The following PI4K2B variants were observed in gnomAD, a reference collection of about 807,000 sequenced individuals.
PI4K2B encodes the protein phosphatidylinositol 4-kinase type 2 beta, also known as phosphatidylinositol 4-kinase type 2-beta.
A neutral mutation model predicts 56.6 loss-of-function variants in PI4K2B; 46 were observed. That is an observed-to-expected ratio of 0.81 (90% CI 0.64 to 1.04). PI4K2B has a LOEUF of 1.04. Ranked by LOEUF, PI4K2B falls within the 50% of genes least tolerant of loss-of-function variation. The pLI is 0.00. For missense variants in PI4K2B, 556 were observed against 607.7 expected (o/e 0.91, Z 0.89); for synonymous variants, 211 against 223.8 (o/e 0.94, Z 0.51).
intron 1 of PI4K2B, among the ~76,000 whole-genome samples, chr4:25,242,297 T>C (rs1715557645): frequency 6.6e-6 from 1 of 152,146 alleles, no homozygotes; most frequent in East Asian, 1.9e-4. Flanking sequence ...AGGACCAGAG[T>C]GCCTGGACTT....
intron 7 of PI4K2B, among the ~76,000 whole-genome samples, chr4:25,265,747 T>C (rs1289152453): frequency 6.6e-6 from 1 of 152,222 alleles, no homozygotes; most frequent in Non-Finnish European, 1.5e-5. Context: ...GTGTAAATTC[T>C]GTTTTGCAAT....
intron 7 of PI4K2B, among the ~76,000 whole-genome samples, chr4:25,265,354 C>T (rs1475634597): frequency 6.6e-6 from 1 of 151,802 alleles, no homozygotes; most frequent in Non-Finnish European, 1.5e-5. Context: ...TGCTCTTTTT[C>T]CCCAGATAAT....
rs898342723 is a variant in PI4K2B, at chr4:25,234,035, G to T, written c.-129G>T. The T allele has an allele frequency of 1.2e-6, 1 of 813,688 alleles. No individual in the cohort carries two copies. Among genetic ancestry groups the T allele is most frequent in the Admixed American group, 4.3e-5 (1 of 23,158 alleles). The allele number at this position is 813,688 out of a possible 1,614,324, so 50.4% of individuals were successfully genotyped here. A position where few individuals can be genotyped will look rare whatever the true frequency, so the allele number is the denominator to read the frequency against. ...GGGACAACCGCTGGGCGGGCGCCAAGCGTGCCCGTGCGCTGGTGAGGTGGC... is the reference window on the plus strand; with the variant it reads ...GGGACAACCGCTGGGCGGGCGCCAATCGTGCCCGTGCGCTGGTGAGGTGGC... On this transcript the variant is annotated 5_prime_UTR_variant, in exon 1 of 10. Coordinates refer to ENST00000264864, the MANE Select transcript of PI4K2B (RefSeq NM_018323.4).
At position 25,234,438 on chromosome 4, in the gene PI4K2B, C is replaced by T; in HGVS notation, c.268+7C>T. ...AGCCGCCCCGCGGTTTCAGGTGCGA[C>T]CCGGCCCTGCCCCACTCCCCGCGCC... On this transcript the variant is annotated splice_region_variant and intron_variant, in intron 1 of 9. Coordinates refer to ENST00000264864, the MANE Select transcript of PI4K2B (RefSeq NM_018323.4). 1 of 1,288,148 alleles carries T rather than the reference C, an allele frequency of 7.8e-7. No individual in the cohort carries two copies. The highest frequency in any genetic ancestry group is 9.8e-7 in the Non-Finnish European group (1 of 1,017,064). 79.8% of individuals were successfully genotyped at this position (1,288,148 alleles called of 1,614,324 possible).
chr4:25,237,505 G>T (rs764214022), intron 1 of PI4K2B, among the ~76,000 whole-genome samples: 9 of 152,144 alleles, frequency 5.9e-5, no homozygotes, highest in Non-Finnish European at 1.3e-4. Flanking sequence ...CTCCCAAGTA[G>T]CTGGGATTAC....
At chr4:25,276,820 CGTGT>C in intron 9 of PI4K2B, 190 bp from the exon 10 acceptor site, 1 of 799,602 alleles carries the variant, frequency 1.3e-6, no homozygotes, top group Non-Finnish European at 1.5e-6. Context: ...TGTGTGTGCG[CGTGT>C]GTGTGTGCGC....
Position 25,278,724 on chromosome 4 carries a change from CT to C in PI4K2B, c.*1541del, listed in dbSNP as rs1717195857. The C allele has an allele frequency of 6.6e-6, 1 of 152,498 alleles. No homozygotes were observed. Among genetic ancestry groups the C allele is most frequent in the Non-Finnish European group, 1.5e-5 (1 of 68,010 alleles). The allele number at this position is 152,498 out of a possible 1,614,324, so 9.4% of individuals were successfully genotyped here. A position where few individuals can be genotyped will look rare whatever the true frequency, so the allele number is the denominator to read the frequency against. On this transcript the variant is annotated 3_prime_UTR_variant, in exon 10 of 10. Transcript: ENST00000264864. Reference sequence around the variant, plus strand: ...ATAAACACTAGTAATTAAAATGTGCCTTTTGAAGATGTTTTCTAAGAGAAAG... The same window carrying C: ...ATAAACACTAGTAATTAAAATGTGCCTTTGAAGATGTTTTCTAAGAGAAAG...
At chr4:25,245,968 G>A (rs183433698) in intron 1 of PI4K2B, among the ~76,000 whole-genome samples, 41 of 152,164 alleles carry the variant, frequency 2.7e-4, no homozygotes, top group African/African-American at 9.2e-4. Context: ...ATGAAGCCAC[G>A]GACCCTCCCA....
chr4:25,250,035 C>A (rs1295636269), intron 1 of PI4K2B, among the ~76,000 whole-genome samples: 1 of 152,166 alleles, frequency 6.6e-6, no homozygotes, highest in Non-Finnish European at 1.5e-5. Flanking sequence ...CCGGCCAACA[C>A]GGCGAAACCC....
At chr4:25,259,559 A>G (rs1247510032) in intron 5 of PI4K2B, among the ~76,000 whole-genome samples, 1 of 152,116 alleles carries the variant, frequency 6.6e-6, no homozygotes, top group African/African-American at 2.4e-5. Flanking sequence ...AATACACTAA[A>G]CTCTTAATTT....
intron 1 of PI4K2B, among the ~76,000 whole-genome samples, chr4:25,243,213 G>A (rs997286949): frequency 5.3e-5 from 8 of 152,194 alleles, no homozygotes; most frequent in African/African-American, 1.9e-4. Context: ...CTTGCCCCGG[G>A]CACCCTCAGT....
chr4:25,237,352 T>G (rs963545610), intron 1 of PI4K2B, among the ~76,000 whole-genome samples: 9 of 152,106 alleles, frequency 5.9e-5, no homozygotes, highest in African/African-American at 2.2e-4. Context: ...GTTTTTTTTT[T>G]TTGTTTTTGG....
chr4:25,236,695 A>G (rs983659877), intron 1 of PI4K2B, among the ~76,000 whole-genome samples: 14 of 152,056 alleles, frequency 9.2e-5, no homozygotes, highest in East Asian at 3.9e-4. Context: ...CCCGAAGTCA[A>G]ATATCCAGGA....
chr4:25,277,084 T>C lies in PI4K2B; in HGVS notation c.1343T>C (p.Ile448Thr). Reference sequence around the variant, plus strand: ...CAGCTAGTACAGATACCTTGTGTGATTGTGGAACGCAGTCAAGGTGGAAGT... The same window carrying C: ...CAGCTAGTACAGATACCTTGTGTGACTGTGGAACGCAGTCAAGGTGGAAGT... ...PFQLVQIPCV[I>T]VERSQGGSQG... is the part of the protein sequence containing the mutation. The change falls in exon 10 of 10, where the codon ATT (isoleucine) becomes ACT (threonine). Residue 448 changes from isoleucine (I) to threonine (T), a missense_variant. Ile to Thr is a moderately conservative substitution (Grantham distance 89). Transcript: ENST00000264864. 6.2e-7 allele frequency: 1 copy of C among 1,613,874 alleles called. No homozygotes were observed. The highest frequency in any genetic ancestry group is 8.5e-7 in the Non-Finnish European group (1 of 1,179,784).
At chr4:25,244,807 G>C (rs1488274500) in intron 1 of PI4K2B, among the ~76,000 whole-genome samples, 1 of 152,142 alleles carries the variant, frequency 6.6e-6, no homozygotes, top group Non-Finnish European at 1.5e-5. Flanking sequence ...CCCTGCCCAA[G>C]AACCCGCAAC....
At chr4:25,238,380 A>G (rs1184530997) in intron 1 of PI4K2B, among the ~76,000 whole-genome samples, 1 of 152,250 alleles carries the variant, frequency 6.6e-6, no homozygotes, top group Non-Finnish European at 1.5e-5. Flanking sequence ...GGTAGTTCTT[A>G]TAACTTCCCT....
chr4:25,270,721 T>G (rs1716856486), intron 9 of PI4K2B, among the ~76,000 whole-genome samples: 1 of 152,224 alleles, frequency 6.6e-6, no homozygotes, highest in African/African-American at 2.4e-5. Context: ...CTGGGCTCAC[T>G]GCAGGCTGGG....
intron 9 of PI4K2B, among the ~76,000 whole-genome samples, chr4:25,274,022 T>C (rs935366564): frequency 2.6e-5 from 4 of 152,146 alleles, no homozygotes; most frequent in African/African-American, 9.7e-5. Flanking sequence ...TCTTCCAACA[T>C]CCACGTCAGT....
chr4:25,266,396 G>A (rs189854845), intron 7 of PI4K2B, among the ~76,000 whole-genome samples: 8 of 152,248 alleles, frequency 5.3e-5, no homozygotes, highest in African/African-American at 1.9e-4. Context: ...AGAATACTTA[G>A]CTGTTTTTTT....
Sources: gnomAD v4.1 joint callset for allele counts (sites outside exome capture counted in the v4.1 genomes callset) on GRCh38, gnomAD v4.1.1 for gene constraint, MANE v1.5 for transcripts, NCBI Gene and HGNC (gene_info 2026-07-23, HGNC 2026-07-21) for gene names.